Variants in GRIA4 observed in about 807,000 individuals in gnomAD.
The protein encoded by GRIA4 is glutamate receptor 4.
Under a neutral mutation model 104.0 loss-of-function variants are expected in GRIA4, and 34 were observed. The observed-to-expected ratio is 0.33, with a 90% CI of 0.25 to 0.44. The LOEUF is 0.44. Among genes scored for constraint, GRIA4 ranks in the 20% least tolerant of loss-of-function variants. GRIA4 has a pLI of 1.00. For synonymous variants in GRIA4, 386 were observed against 381.9 expected (o/e 1.01, Z -0.13); for missense variants, 750 against 1,096.5 (o/e 0.68, Z 4.46).
chr11:105,679,975 AGG>A (rs764194182), intron 3 of GRIA4, among the ~76,000 whole-genome samples: 140 of 152,218 alleles, frequency 9.2e-4, no homozygotes, highest in Non-Finnish European at 1.5e-3. Context: ...AGATGCCCTA[AGG>A]GAGCACCTGT....
chr11:105,852,673 C>T (rs1257447856), intron 4 of GRIA4, among the ~76,000 whole-genome samples: 4 of 152,178 alleles, frequency 2.6e-5, no homozygotes, highest in Admixed American at 6.6e-5. Flanking sequence ...CAGTCCCTGA[C>T]ATGAGTTTAC....
intron 3 of GRIA4, among the ~76,000 whole-genome samples, chr11:105,715,930 C>T (rs1591127435): frequency 6.6e-6 from 1 of 152,108 alleles, no homozygotes; most frequent in African/African-American, 2.4e-5. Context: ...CTACTCAATG[C>T]CCAACGGGAA....
At chr11:105,967,524 T>C (rs1317505529) in intron 14 of GRIA4, among the ~76,000 whole-genome samples, 1 of 152,204 alleles carries the variant, frequency 6.6e-6, no homozygotes, top group Non-Finnish European at 1.5e-5. Flanking sequence ...TGCTTCTTCT[T>C]ATAGTTATGC....
At chr11:105,753,869 A>G (rs1441528768) in intron 4 of GRIA4, among the ~76,000 whole-genome samples, 1 of 152,170 alleles carries the variant, frequency 6.6e-6, no homozygotes, top group Non-Finnish European at 1.5e-5. Flanking sequence ...AATGGATGGG[A>G]AGAGGTGTGG....
In GRIA4 at chr11:105,752,935, T is replaced by C. The variant is rs201576965; in HGVS notation, c.248-46T>C. On this transcript the variant is annotated intron_variant, in intron 3 of 16. Transcript: ENST00000282499. ...AGAATGTAGACTTCAAAGTCAACAA[T>C]TTGAGTGTGCTAATAGTTTGTGGTG... 42 of 1,579,836 alleles carry C rather than the reference T, an allele frequency of 2.7e-5. No homozygotes were observed. The African/African-American group carries it at 5.1e-4, about 19-fold the overall frequency.
chr11:105,750,555 T>C (rs10502063), intron 3 of GRIA4, among the ~76,000 whole-genome samples: 66,406 of 151,882 alleles, frequency 0.44, 15,236 homozygotes, highest in Middle Eastern at 0.52. Context: ...TAGAAGACGA[T>C]AAAATATCAG....
chr11:105,924,872 T>G, intron 12 of GRIA4, 103 bp downstream of exon 12: 1 of 897,802 alleles, frequency 1.1e-6, no homozygotes, highest in Admixed American at 2.5e-5. Flanking sequence ...AGAGGACTAT[T>G]TGAAACACAG....
chr11:105,839,765 GT>G (rs1449986613), intron 4 of GRIA4, among the ~76,000 whole-genome samples: 1 of 151,842 alleles, frequency 6.6e-6, no homozygotes, highest in Non-Finnish European at 1.5e-5. Flanking sequence ...TCTAGTTCTA[GT>G]TCATTAATAG....
At position 105,905,292 on chromosome 11, in the gene GRIA4, A is replaced by G; in HGVS notation, c.1149A>G (p.Gly383=). ...ATGTGTTTGAGCTGAAAAGCACAGGACCTAGAAAGGTGAGCCACGATCAAA... is the reference window on the plus strand; with the variant it reads ...ATGTGTTTGAGCTGAAAAGCACAGGGCCTAGAAAGGTGAGCCACGATCAAA... ...TMDVFELKST[G]PRKVGYWNDM... Residue 383 remains glycine (G), a synonymous_variant, in exon 9 of 17, where the codon GGA becomes GGG. Transcript: ENST00000282499. 1.3e-6 allele frequency: 2 copies of G among 1,564,826 alleles called. No homozygotes were observed. The highest frequency in any genetic ancestry group is 1.8e-6 in the Non-Finnish European group (2 of 1,135,288).
At chr11:105,912,793 A>G (rs1947294402) in intron 10 of GRIA4, 1 of 983,122 alleles carries the variant, frequency 1.0e-6, no homozygotes, top group Non-Finnish European at 1.2e-6. Flanking sequence ...TCCAGGACCT[A>G]TGATATCCCT....
intron 4 of GRIA4, among the ~76,000 whole-genome samples, chr11:105,844,823 C>G (rs746300555): frequency 3.9e-5 from 6 of 152,196 alleles, no homozygotes; most frequent in Non-Finnish European, 7.3e-5. Context: ...CACAAACACA[C>G]TTACTATTCT....
At chr11:105,681,914 C>T (rs1049856992) in intron 3 of GRIA4, among the ~76,000 whole-genome samples, 4 of 151,874 alleles carry the variant, frequency 2.6e-5, no homozygotes, top group African/African-American at 4.8e-5. Context: ...TGGTCGTGGG[C>T]GCCTGTAATC....
intron 4 of GRIA4, among the ~76,000 whole-genome samples, chr11:105,793,275 T>C (rs1942296695): frequency 6.6e-6 from 1 of 152,082 alleles, no homozygotes; most frequent in Non-Finnish European, 1.5e-5. Flanking sequence ...ACCATTTCCC[T>C]TGGGTTTCAA....
chr11:105,764,982 G>A (rs971318755), intron 4 of GRIA4, among the ~76,000 whole-genome samples: 12 of 151,938 alleles, frequency 7.9e-5, no homozygotes, highest in Admixed American at 5.9e-4. Flanking sequence ...CTACCCATTG[G>A]AGCAGATGTT....
intron 3 of GRIA4, among the ~76,000 whole-genome samples, chr11:105,694,065 A>T (rs574734227): frequency 9.8e-5 from 15 of 152,286 alleles, no homozygotes; most frequent in African/African-American, 3.4e-4. Flanking sequence ...TCCAATAAAG[A>T]TACTTATTTT....
At chr11:105,679,427 T>C (rs1020513288) in intron 3 of GRIA4, among the ~76,000 whole-genome samples, 5 of 152,154 alleles carry the variant, frequency 3.3e-5, no homozygotes, top group African/African-American at 1.2e-4. Context: ...TTGGCATCCA[T>C]ATGCATTTCC....
chr11:105,928,872 G>T (rs1947793776), intron 13 of GRIA4, among the ~76,000 whole-genome samples: 1 of 152,034 alleles, frequency 6.6e-6, no homozygotes, highest in South Asian at 2.1e-4. Context: ...GTAGATAAGA[G>T]AATATATTAA....
chr11:105,875,029 A>G (rs764766629), intron 5 of GRIA4, among the ~76,000 whole-genome samples: 2 of 152,214 alleles, frequency 1.3e-5, no homozygotes, highest in African/African-American at 2.4e-5. Context: ...TTGCCCATTC[A>G]GTATGATATC....
chr11:105,658,508 G>C (rs1401803675), intron 3 of GRIA4, among the ~76,000 whole-genome samples: 1 of 151,896 alleles, frequency 6.6e-6, no homozygotes, highest in Non-Finnish European at 1.5e-5. Flanking sequence ...ATAAAAAGAA[G>C]TAGACATGGG....
Sources: gnomAD v4.1 joint callset for allele counts (sites outside exome capture counted in the v4.1 genomes callset) on GRCh38, gnomAD v4.1.1 for gene constraint, MANE v1.5 for transcripts, NCBI Gene and HGNC (gene_info 2026-07-23, HGNC 2026-07-21) for gene names.